ARHGAP15: variants seen among roughly 807,000 people sequenced by gnomAD.
ARHGAP15 encodes rho GTPase-activating protein 15.
In ARHGAP15, 51 loss-of-function variants were observed where a neutral mutation model predicts 63.7. The observed-to-expected ratio is 0.80, with a 90% confidence interval of 0.64 to 1.01. ARHGAP15 has a LOEUF of 1.01. ARHGAP15 is among the 50% of genes least tolerant of loss of function. The pLI is 0.00. For missense variants in ARHGAP15, 560 were observed against 564.6 expected (o/e 0.99, Z 0.08); for synonymous variants, 191 against 193.8 (o/e 0.99, Z 0.12).
chr2:143,150,050 G>A (rs1479409801), intron 1 of ARHGAP15, among the ~76,000 whole-genome samples: 4 of 151,872 alleles, frequency 2.6e-5, no homozygotes, highest in Non-Finnish European at 5.9e-5. Flanking sequence ...GATGCTGGGG[G>A]GTGTGGGCCC....
chr2:143,494,374 T>C (rs1310806263), intron 9 of ARHGAP15, among the ~76,000 whole-genome samples: 7 of 152,168 alleles, frequency 4.6e-5, no homozygotes, highest in Non-Finnish European at 1.0e-4. Flanking sequence ...ACATCTCATT[T>C]CTCACATACC....
At chr2:143,136,505 T>C (rs2104983208) in intron 1 of ARHGAP15, among the ~76,000 whole-genome samples, 1 of 152,254 alleles carries the variant, frequency 6.6e-6, no homozygotes, top group East Asian at 1.9e-4. Flanking sequence ...TTGTACATGT[T>C]TGAATTAATT....
At chr2:143,337,453 C>T (rs1318834020) in intron 6 of ARHGAP15, among the ~76,000 whole-genome samples, 1 of 152,088 alleles carries the variant, frequency 6.6e-6, no homozygotes, top group Non-Finnish European at 1.5e-5. Flanking sequence ...TCAAATTTTG[C>T]ATTACGTTCT....
At chr2:143,647,053 T>C (rs1360134126) in intron 12 of ARHGAP15, among the ~76,000 whole-genome samples, 1 of 152,010 alleles carries the variant, frequency 6.6e-6, no homozygotes, top group Non-Finnish European at 1.5e-5. Flanking sequence ...AGTCAAAAAA[T>C]AATTCTACTC....
Position 143,435,769 on chromosome 2 carries a change from T to A in ARHGAP15, c.573+70T>A, listed in dbSNP as rs148574700. ...TCATTTAAATCTTATTGCTCAGGCA[T>A]ATAACACACACACTCATTTAAATAG... On this transcript the variant is annotated intron_variant, in intron 7 of 13. Coordinates refer to ENST00000295095, the MANE Select transcript of ARHGAP15 (RefSeq NM_018460.4). The A allele has an allele frequency of 4.1e-4, 589 of 1,424,556 alleles. 1 individual carries two copies. The African/African-American group carries it at 7.6e-3, about 18-fold the overall frequency. The allele number at this position is 1,424,556 out of a possible 1,614,324, so 88.2% of individuals were successfully genotyped here. A position where few individuals can be genotyped will look rare whatever the true frequency, so the allele number is the denominator to read the frequency against.
intron 4 of ARHGAP15, among the ~76,000 whole-genome samples, chr2:143,222,792 T>A (rs1375748595): frequency 6.6e-6 from 1 of 152,174 alleles, no homozygotes; most frequent in East Asian, 1.9e-4. Flanking sequence ...CAGGATTTGC[T>A]TTAGGGAAGT....
At chr2:143,525,878 G>A (rs763845896) in intron 10 of ARHGAP15, among the ~76,000 whole-genome samples, 6 of 152,100 alleles carry the variant, frequency 3.9e-5, no homozygotes, top group African/African-American at 9.7e-5. Flanking sequence ...GTGGAGAGGC[G>A]GGGGAAAAGC....
intron 2 of ARHGAP15, among the ~76,000 whole-genome samples, chr2:143,172,660 A>C (rs1343834732): frequency 6.6e-6 from 1 of 152,038 alleles, no homozygotes; most frequent in Non-Finnish European, 1.5e-5. Flanking sequence ...AAGATGGAGA[A>C]ACTGGGTGGA....
chr2:143,689,159 T>C (rs1301030621), intron 12 of ARHGAP15, among the ~76,000 whole-genome samples: 1 of 152,172 alleles, frequency 6.6e-6, no homozygotes, highest in Non-Finnish European at 1.5e-5. Context: ...CTCTGGTTTG[T>C]CATCCGTATC....
intron 10 of ARHGAP15, among the ~76,000 whole-genome samples, chr2:143,540,242 C>T (rs1366149587): frequency 6.6e-6 from 1 of 152,116 alleles, no homozygotes; most frequent in Non-Finnish European, 1.5e-5. Flanking sequence ...GGTAGATCTT[C>T]CTCCGTCCCT....
intron 6 of ARHGAP15, among the ~76,000 whole-genome samples, chr2:143,335,318 A>G (rs1255437482): frequency 6.6e-6 from 1 of 152,218 alleles, no homozygotes; most frequent in Non-Finnish European, 1.5e-5. Flanking sequence ...TTCCCAGTAT[A>G]TTTCACAATA....
chr2:143,324,284 A>G (rs1015692413), intron 6 of ARHGAP15, among the ~76,000 whole-genome samples: 5 of 152,140 alleles, frequency 3.3e-5, no homozygotes, highest in Admixed American at 2.0e-4. Flanking sequence ...TTTTTCTAAC[A>G]TTTTCTTCCT....
intron 10 of ARHGAP15, among the ~76,000 whole-genome samples, chr2:143,539,511 G>T (rs1694944012): frequency 6.6e-6 from 1 of 151,818 alleles, no homozygotes; most frequent in Admixed American, 6.6e-5. Flanking sequence ...TCTCTTGTGG[G>T]CATTTAGTGC....
intron 12 of ARHGAP15, among the ~76,000 whole-genome samples, chr2:143,691,599 C>G (rs1559128711): frequency 6.6e-6 from 1 of 152,152 alleles, no homozygotes. Flanking sequence ...TCAACTTTTT[C>G]AAGTACTGTT....
At chr2:143,266,345 G>T (rs1680994595) in intron 6 of ARHGAP15, among the ~76,000 whole-genome samples, 1 of 152,032 alleles carries the variant, frequency 6.6e-6, no homozygotes, top group South Asian at 2.1e-4. Flanking sequence ...TCAGTGATAG[G>T]AGAAGGTAGC....
At chr2:143,607,325 G>A (rs1057432546) in intron 11 of ARHGAP15, among the ~76,000 whole-genome samples, 1 of 152,100 alleles carries the variant, frequency 6.6e-6, no homozygotes, top group African/African-American at 2.4e-5. Flanking sequence ...TTTTGACTTA[G>A]AACATTTGCC....
chr2:143,256,707 C>T (rs1035454274), intron 6 of ARHGAP15, among the ~76,000 whole-genome samples: 1 of 151,984 alleles, frequency 6.6e-6, no homozygotes, highest in Middle Eastern at 3.2e-3. Flanking sequence ...TGATGTTTAG[C>T]TTCACTTTTG....
chr2:143,290,448 G>A (rs907776169), intron 6 of ARHGAP15, among the ~76,000 whole-genome samples: 2 of 151,790 alleles, frequency 1.3e-5, no homozygotes, highest in South Asian at 2.1e-4. Context: ...AAAGGGCAGC[G>A]GCTATTCAAC....
chr2:143,161,538 G>A (rs1481486216), intron 2 of ARHGAP15, among the ~76,000 whole-genome samples: 1 of 151,852 alleles, frequency 6.6e-6, no homozygotes, highest in Non-Finnish European at 1.5e-5. Context: ...TACTTCAGCT[G>A]AGTACTGCGT....
Sources: allele counts gnomAD v4.1 joint callset (sites outside exome capture counted in the v4.1 genomes callset), GRCh38; gene constraint gnomAD v4.1.1; transcripts MANE v1.5; gene names NCBI Gene and HGNC (gene_info 2026-07-23, HGNC 2026-07-21).